CFAP276: variants seen among roughly 807,000 people sequenced by gnomAD.
The protein encoded by CFAP276 is cilia and flagella associated protein 276, also known as cilia- and flagella-associated protein 276.
At chr1:109,107,611 G>C in the CFAP276 span, among the ~76,000 whole-genome samples, 3 of 152,084 alleles carry the variant, frequency 2.0e-5, no homozygotes, top group African/African-American at 7.2e-5. Flanking sequence ...ATTAAGGGCT[G>C]GGTGCAGTGG....
chr1:109,108,062 G>T, the CFAP276 span: 1 of 1,469,214 alleles, frequency 6.8e-7, no homozygotes, highest in Non-Finnish European at 9.5e-7. Flanking sequence ...CCGTATCCAG[G>T]ACAACCTGGT....
At chr1:109,113,473 A>G in the CFAP276 span, among the ~76,000 whole-genome samples, 398 of 110,390 alleles carry the variant, frequency 3.6e-3, 50 homozygotes, top group Middle Eastern at 9.5e-3. Flanking sequence ...AGAGAGGCCC[A>G]CGTGCGGCGC....
At chr1:109,109,219 C>T in the CFAP276 span, among the ~76,000 whole-genome samples, 3 of 151,862 alleles carry the variant, frequency 2.0e-5, no homozygotes, top group Admixed American at 6.6e-5. Context: ...GAGGCTGAGG[C>T]GGGCGGATCA....
chr1:109,111,913 A>G, the CFAP276 span, among the ~76,000 whole-genome samples: 118 of 152,262 alleles, frequency 7.7e-4, no homozygotes, highest in Admixed American at 2.3e-3. Context: ...TCTCTTTACT[A>G]CTAGAGTTCC....
chr1:109,107,884 C>T, the CFAP276 span: 25 of 1,492,202 alleles, frequency 1.7e-5, no homozygotes, highest in African/African-American at 5.7e-5. Context: ...AAGCCCTAAA[C>T]GGCTGCAAAG....
the CFAP276 span, among the ~76,000 whole-genome samples, chr1:109,113,451 A>AGAGAGAGAGAGAGAGTGAGAGT: frequency 8.3e-6 from 1 of 120,472 alleles, no homozygotes; most frequent in East Asian, 3.5e-4. Context: ...AGAGAGAGAG[A>AGAGAGAGAGAGAGAGTGAGAGT]GAGAGAGAGA....
the CFAP276 span, chr1:109,107,147 G>T: frequency 1.9e-6 from 3 of 1,578,404 alleles, no homozygotes; most frequent in South Asian, 2.2e-5. Context: ...CCCCCCCAAG[G>T]TTAGCTCAGC....
the CFAP276 span, chr1:109,113,716 G>T: frequency 6.2e-7 from 1 of 1,611,376 alleles, no homozygotes; most frequent in Non-Finnish European, 8.5e-7. Flanking sequence ...GTGCAACATC[G>T]GAGATGCTCA....
the CFAP276 span, chr1:109,107,233 C>A: frequency 1.3e-6 from 1 of 779,948 alleles, no homozygotes; most frequent in Non-Finnish European, 2.2e-6. Context: ...CTCTCTTGGG[C>A]CTGAAATCCA....
chr1:109,113,143 A>C, the CFAP276 span, among the ~76,000 whole-genome samples: 1 of 152,096 alleles, frequency 6.6e-6, no homozygotes, highest in Admixed American at 6.6e-5. Flanking sequence ...TAATCTCAGC[A>C]CTTTGGGAAG....
chr1:109,105,974 A>G, the CFAP276 span: 1 of 1,412,040 alleles, frequency 7.1e-7, no homozygotes, highest in Non-Finnish European at 9.9e-7. Context: ...AATCTATTTA[A>G]TGGAAGTGGG....
the CFAP276 span, among the ~76,000 whole-genome samples, chr1:109,108,420 G>A: frequency 2.6e-5 from 4 of 152,184 alleles, no homozygotes; most frequent in African/African-American, 9.7e-5. Flanking sequence ...TCAGATTACA[G>A]GTATGAGCCA....
At chr1:109,106,451 A>G in the CFAP276 span, 7 of 1,508,912 alleles carry the variant, frequency 4.6e-6, no homozygotes, top group East Asian at 2.3e-5. Context: ...CTACTGTCCA[A>G]TCACCTTAAA....
the CFAP276 span, among the ~76,000 whole-genome samples, chr1:109,110,041 C>CT: frequency 2.8e-4 from 42 of 152,322 alleles, no homozygotes; most frequent in South Asian, 8.3e-3. Context: ...ATGAGTCTGT[C>CT]TTTCACTGAG....
the CFAP276 span, chr1:109,106,691 A>T: frequency 6.2e-7 from 1 of 1,605,670 alleles, no homozygotes; most frequent in African/African-American, 1.3e-5. Context: ...AAAAGTGGAG[A>T]GTGAAATCAA....
chr1:109,109,618 C>T, the CFAP276 span, among the ~76,000 whole-genome samples: 4 of 142,746 alleles, frequency 2.8e-5, no homozygotes, highest in African/African-American at 1.0e-4. Flanking sequence ...CTCACTGCAA[C>T]CTCCGCCTCC....
chr1:109,106,933 C>T, the CFAP276 span: 1 of 1,185,648 alleles, frequency 8.4e-7, no homozygotes, highest in Non-Finnish European at 1.2e-6. Context: ...TTATCATTTT[C>T]CAGGTGACAT....
chr1:109,108,163 G>A, the CFAP276 span: 1 of 737,552 alleles, frequency 1.4e-6, no homozygotes. Flanking sequence ...TATTTTTTGA[G>A]ACAGAATCTC....
the CFAP276 span, among the ~76,000 whole-genome samples, chr1:109,110,799 C>G: frequency 6.6e-6 from 1 of 152,194 alleles, no homozygotes; most frequent in Non-Finnish European, 1.5e-5. Context: ...ACCACAGTCA[C>G]TACAAAAACA....
Sources: gnomAD v4.1 joint callset for allele counts (sites outside exome capture counted in the v4.1 genomes callset) on GRCh38, gnomAD v4.1.1 for gene constraint, MANE v1.5 for transcripts, NCBI Gene and HGNC (gene_info 2026-07-23, HGNC 2026-07-21) for gene names.